The following IL1RAPL1 variants were observed in gnomAD, a reference collection of about 807,000 sequenced individuals.
IL1RAPL1 encodes interleukin-1 receptor accessory protein-like 1.
A neutral mutation model predicts 48.4 loss-of-function variants in IL1RAPL1; 3 were observed. The ratio of observed to expected loss-of-function variants is 0.06; its 90% CI spans 0.03 to 0.16. IL1RAPL1 has a LOEUF of 0.16. Ranked by LOEUF, IL1RAPL1 falls within the 10% of genes least tolerant of loss-of-function variation. The pLI is 1.00. For missense variants in IL1RAPL1, 349 were observed against 530.6 expected, an observed-to-expected ratio of 0.66 and a Z score of 3.36; for synonymous variants, 185 against 187.7, an observed-to-expected ratio of 0.99 and a Z score of 0.12.
intron 6 of IL1RAPL1, among the ~76,000 whole-genome samples, chrX:29,749,712 A>G (rs1928414955): frequency 8.9e-6 from 1 of 112,181 alleles, no homozygotes; most frequent in Non-Finnish European, 1.9e-5. Flanking sequence ...AAAAACATTC[A>G]ATACAATGTT....
intron 2 of IL1RAPL1, among the ~76,000 whole-genome samples, chrX:29,113,948 A>T (rs759958827): frequency 3.4e-4 from 38 of 112,085 alleles, no homozygotes; most frequent in Middle Eastern, 4.6e-3. Flanking sequence ...ACATTTCATC[A>T]TCATATATAG....
intron 3 of IL1RAPL1, among the ~76,000 whole-genome samples, chrX:29,317,438 A>C (rs1270089588): frequency 2.7e-5 from 3 of 112,446 alleles, no homozygotes; most frequent in African/African-American, 9.7e-5. Context: ...TATGATTTAT[A>C]GATGAACGTT....
At chrX:28,726,164 T>C (rs975595215) in intron 1 of IL1RAPL1, among the ~76,000 whole-genome samples, 2 of 112,023 alleles carry the variant, frequency 1.8e-5, no homozygotes, top group Non-Finnish European at 3.8e-5. Flanking sequence ...GATCATTCTG[T>C]TGAGGATAGA....
intron 5 of IL1RAPL1, among the ~76,000 whole-genome samples, chrX:29,429,574 A>T (rs1327416100): frequency 9.0e-6 from 1 of 111,321 alleles, no homozygotes; most frequent in African/African-American, 3.3e-5. Context: ...AACCCTTGAG[A>T]TATTTTCAGT....
intron 6 of IL1RAPL1, among the ~76,000 whole-genome samples, chrX:29,809,383 G>A (rs1038070471): frequency 5.5e-5 from 6 of 109,731 alleles, no homozygotes; most frequent in Non-Finnish European, 9.5e-5. Flanking sequence ...GATTACAGGC[G>A]TGAGCCACCG....
chrX:29,910,708 G>A (rs1191852872), intron 6 of IL1RAPL1, among the ~76,000 whole-genome samples: 1 of 111,512 alleles, frequency 9.0e-6, no homozygotes, highest in Non-Finnish European at 1.9e-5. Flanking sequence ...CCAATGAGAA[G>A]CCTTTTTATC....
At chrX:29,695,597 CGAGAGAGAGA>C (rs10635140) in intron 6 of IL1RAPL1, among the ~76,000 whole-genome samples, 2 of 94,863 alleles carry the variant, frequency 2.1e-5, no homozygotes, top group Non-Finnish European at 2.1e-5. Context: ...TGCAAGGTGG[CGAGAGAGAGA>C]GAGAGAGAGA....
chrX:29,825,304 G>A (rs1283018736), intron 6 of IL1RAPL1, among the ~76,000 whole-genome samples: 2 of 111,063 alleles, frequency 1.8e-5, no homozygotes, highest in Non-Finnish European at 3.8e-5. Flanking sequence ...TGGCAAAAAT[G>A]TCTTCCCTGC....
intron 6 of IL1RAPL1, among the ~76,000 whole-genome samples, chrX:29,853,975 C>T (rs954070867): frequency 2.7e-5 from 3 of 112,054 alleles, no homozygotes; most frequent in South Asian, 3.7e-4. Flanking sequence ...AAGTGACTAA[C>T]GTATTTTGTT....
At chrX:29,886,099 G>A (rs1390418715) in intron 6 of IL1RAPL1, among the ~76,000 whole-genome samples, 5 of 111,729 alleles carry the variant, frequency 4.5e-5, no homozygotes, top group South Asian at 7.5e-4. Flanking sequence ...TTTGCACATG[G>A]AAAATTAAGC....
intron 2 of IL1RAPL1, among the ~76,000 whole-genome samples, chrX:29,076,726 T>C (rs1927679089): frequency 9.0e-6 from 1 of 111,388 alleles, no homozygotes; most frequent in Non-Finnish European, 1.9e-5. Flanking sequence ...CTTACCATTC[T>C]GTCTTCTCTC....
At chrX:29,269,664 A>G (rs1467363137) in intron 2 of IL1RAPL1, among the ~76,000 whole-genome samples, 1 of 107,304 alleles carries the variant, frequency 9.3e-6, no homozygotes, top group Non-Finnish European at 1.9e-5. Context: ...TCTCACCTGA[A>G]CTATTGCAGT....
At chrX:29,305,780 C>T (rs971079850) in intron 3 of IL1RAPL1, among the ~76,000 whole-genome samples, 1 of 110,792 alleles carries the variant, frequency 9.0e-6, no homozygotes, top group African/African-American at 3.3e-5. Flanking sequence ...GGATTTAGAG[C>T]GGTTATATGA....
chrX:29,684,468 T>TG (rs1926560581), intron 6 of IL1RAPL1, among the ~76,000 whole-genome samples: 1 of 111,435 alleles, frequency 9.0e-6, no homozygotes, highest in Non-Finnish European at 1.9e-5. Flanking sequence ...ATATGTGAAT[T>TG]GGGTGGGGGG....
intron 6 of IL1RAPL1, among the ~76,000 whole-genome samples, chrX:29,878,780 G>C (rs1165333312): frequency 9.0e-6 from 1 of 111,650 alleles, no homozygotes; most frequent in East Asian, 2.8e-4. Context: ...TTACATAAGA[G>C]GGCTTTTATT....
At chrX:29,594,511 T>G (rs1204756319) in intron 5 of IL1RAPL1, among the ~76,000 whole-genome samples, 1 of 111,723 alleles carries the variant, frequency 9.0e-6, no homozygotes, top group South Asian at 3.7e-4. Flanking sequence ...GAACTAATAC[T>G]TTAAATGTGC....
At chrX:29,689,217 A>G in intron 6 of IL1RAPL1, among the ~76,000 whole-genome samples, 1 of 111,667 alleles carries the variant, frequency 9.0e-6, no homozygotes, top group Middle Eastern at 4.6e-3. Context: ...TAGTAGACAC[A>G]TCGTAGTATC....
At chrX:29,399,408 C>A in intron 5 of IL1RAPL1, 100 bp downstream of exon 5, 1 of 698,311 alleles carries the variant, frequency 1.4e-6, no homozygotes, top group Non-Finnish European at 2.2e-6. Flanking sequence ...TAAAGAATTA[C>A]ATAATCAAAT....
intron 2 of IL1RAPL1, among the ~76,000 whole-genome samples, chrX:29,243,701 C>A (rs1931461481): frequency 9.0e-6 from 1 of 111,710 alleles, no homozygotes; most frequent in African/African-American, 3.3e-5. Flanking sequence ...TTTTATCTCT[C>A]ATTTTTCTAA....
Sources: gnomAD v4.1 joint callset for allele counts (sites outside exome capture counted in the v4.1 genomes callset) on GRCh38, gnomAD v4.1.1 for gene constraint, MANE v1.5 for transcripts, NCBI Gene and HGNC (gene_info 2026-07-23, HGNC 2026-07-21) for gene names.